Variants in CCSER1 observed in about 807,000 individuals in gnomAD.
CCSER1 encodes the protein coiled-coil serine rich protein 1.
CCSER1 carries 41 observed loss-of-function variants against 82.0 expected under a neutral mutation model. The observed-to-expected ratio is 0.50, with a 90% CI of 0.39 to 0.65. The LOEUF is 0.65. CCSER1 is among the 30% of genes least tolerant of loss of function. The pLI is 0.00. For missense variants in CCSER1, 1,119 were observed against 1,064.2 expected (o/e 1.05, Z -0.72); for synonymous variants, 414 against 383.9 (o/e 1.08, Z -0.92).
At chr4:90,394,924 C>T (rs1751746351) in intron 3 of CCSER1, among the ~76,000 whole-genome samples, 1 of 152,144 alleles carries the variant, frequency 6.6e-6, no homozygotes, top group Non-Finnish European at 1.5e-5. Flanking sequence ...ACATATTTAT[C>T]ATTTTTGTGG....
chr4:91,302,299 G>A lies in CCSER1; in HGVS notation c.2217+216305G>A, dbSNP rs1455355930. ...CCTGTTTTCACGCCAAGAGATCTAG[G>A]AAAACTCTCTGGTTCCTCTTTTTCT... On this transcript the variant is annotated intron_variant, in intron 10 of 10. Coordinates refer to ENST00000509176, the MANE Select transcript of CCSER1 (RefSeq NM_001145065.2). Among the ~76,000 whole-genome samples the A allele has an allele frequency of 7.2e-5, 11 of 152,084 alleles. No homozygotes were observed. The East Asian group carries it at 2.1e-3, about 30-fold the overall frequency.
At chr4:90,860,600 A>G (rs1014338993) in intron 8 of CCSER1, among the ~76,000 whole-genome samples, 1 of 151,756 alleles carries the variant, frequency 6.6e-6, no homozygotes, top group African/African-American at 2.4e-5. Context: ...AATGGTATTC[A>G]TAATAGCTCA....
At chr4:90,171,176 G>GT (rs1731593634) in intron 1 of CCSER1, among the ~76,000 whole-genome samples, 1 of 115,872 alleles carries the variant, frequency 8.6e-6, no homozygotes, top group Admixed American at 8.2e-5. Flanking sequence ...GGGCAGAAAT[G>GT]TAAAAAAAAA....
intron 10 of CCSER1, among the ~76,000 whole-genome samples, chr4:91,264,861 A>G (rs1741456309): frequency 6.6e-6 from 1 of 152,032 alleles, no homozygotes; most frequent in African/African-American, 2.4e-5. Context: ...TAAATCCCTG[A>G]TTAAGAAATA....
chr4:91,388,899 A>T (rs891715117), intron 10 of CCSER1, among the ~76,000 whole-genome samples: 1 of 151,928 alleles, frequency 6.6e-6, no homozygotes, highest in Non-Finnish European at 1.5e-5. Context: ...TTGGTGAGGT[A>T]CGTGTTCAGG....
At chr4:90,329,449 T>A (rs558121460) in intron 3 of CCSER1, among the ~76,000 whole-genome samples, 1 of 152,308 alleles carries the variant, frequency 6.6e-6, no homozygotes, top group Non-Finnish European at 1.5e-5. Flanking sequence ...TATTGCCTTT[T>A]AAAGTAGTGA....
At chr4:90,278,151 A>T (rs1473730209) in intron 1 of CCSER1, among the ~76,000 whole-genome samples, 1 of 152,108 alleles carries the variant, frequency 6.6e-6, no homozygotes, top group Non-Finnish European at 1.5e-5. Context: ...ACCAATCAGA[A>T]TGGCTTCTGT....
At chr4:91,227,613 A>G (rs993368792) in intron 10 of CCSER1, among the ~76,000 whole-genome samples, 1 of 151,596 alleles carries the variant, frequency 6.6e-6, no homozygotes, top group Admixed American at 6.6e-5. Flanking sequence ...TAGTGAAACC[A>G]TCACCCAAAT....
At chr4:91,477,008 G>C (rs1463974348) in intron 10 of CCSER1, among the ~76,000 whole-genome samples, 6 of 151,560 alleles carry the variant, frequency 4.0e-5, no homozygotes, top group Non-Finnish European at 1.5e-5. Context: ...GTCTAGGCAA[G>C]GTCTTACTTT....
chr4:91,004,752 G>A (rs1034850994), intron 9 of CCSER1, among the ~76,000 whole-genome samples: 1 of 152,058 alleles, frequency 6.6e-6, no homozygotes, highest in Non-Finnish European at 1.5e-5. Flanking sequence ...TCAATTCAAT[G>A]TTTAAGCACT....
intron 10 of CCSER1, among the ~76,000 whole-genome samples, chr4:91,209,675 T>G (rs920356445): frequency 2.0e-5 from 3 of 151,870 alleles, no homozygotes; most frequent in Non-Finnish European, 4.4e-5. Flanking sequence ...GAAGTTTTCT[T>G]TCTTTGTTGT....
chr4:91,541,732 G>A (rs1161182478), intron 10 of CCSER1, among the ~76,000 whole-genome samples: 1 of 152,000 alleles, frequency 6.6e-6, no homozygotes, highest in South Asian at 2.1e-4. Context: ...TAATCCTTTG[G>A]GTATATACCC....
At chr4:90,949,821 G>A (rs1392691622) in intron 9 of CCSER1, among the ~76,000 whole-genome samples, 1 of 152,030 alleles carries the variant, frequency 6.6e-6, no homozygotes, top group Non-Finnish European at 1.5e-5. Context: ...AACATATAGA[G>A]CATTTATATC....
In CCSER1 at chr4:91,409,522, A is replaced by T. The variant is rs536031541; in HGVS notation, c.2218-189050A>T. Among the ~76,000 whole-genome samples the T allele has an allele frequency of 5.0e-3, 757 of 152,192 alleles. 6 individuals carry two copies. Among genetic ancestry groups the T allele is most frequent in the African/African-American group, 0.017 (722 of 41,516 alleles). ...ATCTCCATGTGTTCTATTTTAAAAA[A>T]TTTTCAAAAGTAATTTCAAAAACCT... On this transcript the variant is annotated intron_variant, in intron 10 of 10. Transcript: ENST00000509176.
At chr4:90,470,383 T>C (rs1305254084) in intron 5 of CCSER1, among the ~76,000 whole-genome samples, 1 of 152,134 alleles carries the variant, frequency 6.6e-6, no homozygotes, top group Admixed American at 6.6e-5. Context: ...AAAAGATAGG[T>C]GTGAACATAT....
chr4:90,480,873 T>G (rs1765838899), intron 5 of CCSER1, among the ~76,000 whole-genome samples: 1 of 152,154 alleles, frequency 6.6e-6, no homozygotes, highest in Non-Finnish European at 1.5e-5. Flanking sequence ...TCTTTTTTGG[T>G]TCCATAGGAA....
At position 90,613,179 on chromosome 4, in the gene CCSER1, G is replaced by GA. The variant is rs1167346506; in HGVS notation, c.1725-14839dup. ...AGAAACCTACTTTTGCTCACTTCAT[G>GA]AAAAAAAGAAAAAAAACTGGTTATT... On this transcript the variant is annotated intron_variant, in intron 5 of 10. Coordinates refer to ENST00000509176, the MANE Select transcript of CCSER1 (RefSeq NM_001145065.2). Among the ~76,000 whole-genome samples, 3 of 151,278 alleles carry GA rather than the reference G, an allele frequency of 2.0e-5. No individual in the cohort carries two copies. The East Asian group carries it at 5.8e-4, about 29-fold the overall frequency.
intron 10 of CCSER1, among the ~76,000 whole-genome samples, chr4:91,122,497 T>G (rs553243011): frequency 2.0e-5 from 3 of 151,758 alleles, no homozygotes; most frequent in African/African-American, 7.2e-5. Context: ...ATCAAACATG[T>G]TTTCCCTTCA....
At chr4:91,146,351 G>A (rs774216909) in intron 10 of CCSER1, among the ~76,000 whole-genome samples, 15 of 152,128 alleles carry the variant, frequency 9.9e-5, no homozygotes, top group Middle Eastern at 3.4e-3. Flanking sequence ...CGATTTCAGC[G>A]TTTGGATTTC....
Sources: gnomAD v4.1 joint callset for allele counts (sites outside exome capture counted in the v4.1 genomes callset) on GRCh38, gnomAD v4.1.1 for gene constraint, MANE v1.5 for transcripts, NCBI Gene and HGNC (gene_info 2026-07-23, HGNC 2026-07-21) for gene names.